The following TRIM9 variants were observed in gnomAD, a reference collection of about 807,000 sequenced individuals.
TRIM9 encodes the protein tripartite motif containing 9, also known as E3 ubiquitin-protein ligase TRIM9.
A neutral mutation model predicts 78.3 loss-of-function variants in TRIM9; 26 were observed. The observed-to-expected ratio is 0.33, with a 90% CI of 0.24 to 0.46. The LOEUF is 0.46. TRIM9 is among the 20% of genes least tolerant of loss of function. The pLI, the probability that TRIM9 is intolerant of heterozygous loss-of-function variation, is 1.00. For synonymous variants in TRIM9, 398 were observed against 416.5 expected, an observed-to-expected ratio of 0.96 and a Z score of 0.54; for missense variants, 787 against 1,036.4, an observed-to-expected ratio of 0.76 and a Z score of 3.30.
chr14:50,997,691 G>A, intron 7 of TRIM9: 1 of 1,153,336 alleles, frequency 8.7e-7, no homozygotes, highest in Non-Finnish European at 1.1e-6. Flanking sequence ...GGCACATGAT[G>A]TGTATCGGTG....
chr14:51,064,939 A>G lies in TRIM9; in HGVS notation c.822+29179T>C, dbSNP rs573604532. 7.2e-5 allele frequency among the ~76,000 whole-genome samples: 11 copies of G among 152,328 alleles called. No homozygotes were observed. In the South Asian group the frequency reaches 2.3e-3, roughly 32 times the overall value. On this transcript the variant is annotated intron_variant, in intron 1 of 12. Transcript: ENST00000684578. ...ATCATAAATAAAGCTTAAGGCACAG[A>G]TGATTTTACTGGTGAACTCTGACTG...
At chr14:51,088,279 G>A (rs544275734) in intron 1 of TRIM9, among the ~76,000 whole-genome samples, 2 of 152,258 alleles carry the variant, frequency 1.3e-5, no homozygotes, top group East Asian at 3.9e-4. Flanking sequence ...CTCTAACAGA[G>A]TTTCCAAAGT....
intron 4 of TRIM9, among the ~76,000 whole-genome samples, chr14:51,009,865 C>T (rs1381394212): frequency 6.6e-6 from 1 of 152,114 alleles, no homozygotes; most frequent in African/African-American, 2.4e-5. Context: ...TAAGTAAAAT[C>T]CAGCTTACAC....
At chr14:51,004,557 A>G (rs773171298) in intron 5 of TRIM9, among the ~76,000 whole-genome samples, 8 of 152,222 alleles carry the variant, frequency 5.3e-5, no homozygotes, top group Non-Finnish European at 1.2e-4. Flanking sequence ...CCCAACCTCA[A>G]CAGGGAACAC....
At chr14:51,037,263 A>G (rs1182806751) in intron 1 of TRIM9, among the ~76,000 whole-genome samples, 1 of 152,226 alleles carries the variant, frequency 6.6e-6, no homozygotes, top group African/African-American at 2.4e-5. Context: ...GAGCCACTTT[A>G]TACAAATGTA....
intron 1 of TRIM9, among the ~76,000 whole-genome samples, chr14:51,032,973 C>G (rs2058857433): frequency 6.6e-6 from 1 of 152,098 alleles, no homozygotes; most frequent in Non-Finnish European, 1.5e-5. Context: ...GATTAGTGAT[C>G]CTCCACTGGT....
chr14:50,982,140 G>C, intron 10 of TRIM9, 37 bp from the exon 11 acceptor site: 1 of 1,604,918 alleles, frequency 6.2e-7, no homozygotes, highest in Non-Finnish European at 8.5e-7. Context: ...TATTAAGACA[G>C]ACCCAACAAG....
chr14:51,076,335 G>A (rs1202869011), intron 1 of TRIM9, among the ~76,000 whole-genome samples: 1 of 152,196 alleles, frequency 6.6e-6, no homozygotes, highest in Non-Finnish European at 1.5e-5. Context: ...CCTTGCTAGA[G>A]ATTTTGTCTC....
At chr14:51,027,106 C>T (rs2356732) in intron 1 of TRIM9, among the ~76,000 whole-genome samples, 24,676 of 146,080 alleles carry the variant, frequency 0.17, 3,990 homozygotes, top group African/African-American at 0.42. Flanking sequence ...GTGCATGATG[C>T]GTGCTTAATA....
intron 1 of TRIM9, among the ~76,000 whole-genome samples, chr14:51,033,393 A>G (rs192279887): frequency 1.2e-4 from 18 of 152,338 alleles, no homozygotes; most frequent in Admixed American, 3.9e-4. Context: ...GCCTAGCCCA[A>G]TGATGTTTTT....
intron 1 of TRIM9, among the ~76,000 whole-genome samples, chr14:51,031,702 C>A (rs1219414480): frequency 6.6e-6 from 1 of 152,050 alleles, no homozygotes; most frequent in African/African-American, 2.4e-5. Flanking sequence ...ACATTAAAAT[C>A]TTTCCTTACC....
At chr14:51,044,663 G>A (rs1596254463) in intron 1 of TRIM9, among the ~76,000 whole-genome samples, 1 of 152,226 alleles carries the variant, frequency 6.6e-6, no homozygotes, top group Admixed American at 6.5e-5. Flanking sequence ...CCGGATGACA[G>A]TGCAGCCACT....
At chr14:51,081,778 T>C (rs991937188) in intron 1 of TRIM9, among the ~76,000 whole-genome samples, 1 of 152,172 alleles carries the variant, frequency 6.6e-6, no homozygotes, top group African/African-American at 2.4e-5. Flanking sequence ...ACTGGTTTAT[T>C]ATGGAGGATA....
At chr14:51,028,939 T>C (rs953400149) in intron 1 of TRIM9, among the ~76,000 whole-genome samples, 3 of 152,080 alleles carry the variant, frequency 2.0e-5, no homozygotes, top group African/African-American at 4.8e-5. Flanking sequence ...CTGGCTCCCC[T>C]TGCCTCCCCA....
intron 1 of TRIM9, among the ~76,000 whole-genome samples, chr14:51,083,771 A>G (rs1466642413): frequency 6.6e-6 from 1 of 152,192 alleles, no homozygotes; most frequent in Non-Finnish European, 1.5e-5. Flanking sequence ...AAAATGTTTG[A>G]TTAGTGGCTA....
intron 3 of TRIM9, among the ~76,000 whole-genome samples, chr14:51,018,951 T>C (rs1373854833): frequency 6.6e-6 from 1 of 152,230 alleles, no homozygotes. Flanking sequence ...TAAGACAATT[T>C]CAGGGTTATG....
chr14:51,015,297 C>G (rs1177518906), intron 3 of TRIM9, among the ~76,000 whole-genome samples: 2 of 151,982 alleles, frequency 1.3e-5, no homozygotes, highest in African/African-American at 2.4e-5. Context: ...ACATTCCCAT[C>G]ACTAACAGAC....
At chr14:50,984,966 T>C (rs2052503223) in intron 8 of TRIM9, among the ~76,000 whole-genome samples, 1 of 152,220 alleles carries the variant, frequency 6.6e-6, no homozygotes, top group Non-Finnish European at 1.5e-5. Flanking sequence ...TTGAAGTCCC[T>C]GCATCCTTTT....
chr14:50,984,186 T>C (rs1397901833), intron 8 of TRIM9, among the ~76,000 whole-genome samples: 1 of 152,172 alleles, frequency 6.6e-6, no homozygotes, highest in Non-Finnish European at 1.5e-5. Context: ...TTTCCAGTGG[T>C]TTCAAGGACT....
Sources: gnomAD v4.1 joint callset for allele counts (sites outside exome capture counted in the v4.1 genomes callset) on GRCh38, gnomAD v4.1.1 for gene constraint, MANE v1.5 for transcripts, NCBI Gene and HGNC (gene_info 2026-07-23, HGNC 2026-07-21) for gene names.